The following UST variants were observed in gnomAD, a reference collection of about 807,000 sequenced individuals.
UST encodes the protein uronyl 2-sulfotransferase.
In UST, 21 loss-of-function variants were observed where a neutral mutation model predicts 45.6. That is an observed-to-expected ratio of 0.46 (90% CI 0.33 to 0.66). The LOEUF is 0.66. UST is among the 30% of genes least tolerant of loss of function. The pLI, the probability that UST is intolerant of heterozygous loss-of-function variation, is 0.02. For synonymous variants in UST, 215 were observed against 200.6 expected (o/e 1.07, Z -0.61); for missense variants, 463 against 512.4 (o/e 0.90, Z 0.93).
At chr6:148,895,213 T>G (rs1380130290) in intron 2 of UST, among the ~76,000 whole-genome samples, 1 of 152,222 alleles carries the variant, frequency 6.6e-6, no homozygotes, top group Non-Finnish European at 1.5e-5. Context: ...TCTCATGTTT[T>G]TAGCTGTGTT....
chr6:149,055,250 G>C (rs1315086610), intron 7 of UST, among the ~76,000 whole-genome samples: 8 of 152,176 alleles, frequency 5.3e-5, no homozygotes, highest in Non-Finnish European at 1.0e-4. Context: ...ACTTGAGGAA[G>C]AGGACTATGA....
At chr6:149,001,003 T>C (rs1056373686) in intron 5 of UST, among the ~76,000 whole-genome samples, 3 of 150,492 alleles carry the variant, frequency 2.0e-5, no homozygotes, top group African/African-American at 7.3e-5. Context: ...AAAAAGAGAA[T>C]AGAAAAATGT....
At chr6:148,801,497 CT>C (rs796597980) in intron 1 of UST, among the ~76,000 whole-genome samples, 13 of 152,080 alleles carry the variant, frequency 8.5e-5, no homozygotes, top group African/African-American at 3.1e-4. Context: ...TTTTTTCTTT[CT>C]TTCTTTTTCT....
At chr6:149,061,365 AT>A (rs760272492) in intron 7 of UST, among the ~76,000 whole-genome samples, 6 of 152,240 alleles carry the variant, frequency 3.9e-5, no homozygotes, top group Admixed American at 6.5e-5. Context: ...GTTCAAACAT[AT>A]GTCAATGCAG....
intron 3 of UST, among the ~76,000 whole-genome samples, chr6:148,943,910 C>G (rs1780180731): frequency 1.3e-5 from 2 of 152,144 alleles, no homozygotes; most frequent in African/African-American, 4.8e-5. Flanking sequence ...TAACTATTAC[C>G]TCTCCGCAGC....
intron 5 of UST, among the ~76,000 whole-genome samples, chr6:148,997,623 C>T (rs1370125647): frequency 6.6e-6 from 1 of 152,174 alleles, no homozygotes; most frequent in Non-Finnish European, 1.5e-5. Context: ...TTCATATCCT[C>T]TGAAGATGAG....
At chr6:148,811,299 G>A (rs1295201385) in intron 1 of UST, among the ~76,000 whole-genome samples, 1 of 152,046 alleles carries the variant, frequency 6.6e-6, no homozygotes, top group Non-Finnish European at 1.5e-5. Context: ...GTGATGCCTG[G>A]GTATTATGAG....
intron 5 of UST, chr6:149,005,176 CT>C (rs1781624094): frequency 2.5e-6 from 1 of 397,934 alleles, no homozygotes; most frequent in South Asian, 1.0e-4. Context: ...AAGCAGAGCT[CT>C]TCTGGCTTGG....
chr6:148,941,812 C>T (rs1222902587), intron 3 of UST, among the ~76,000 whole-genome samples: 1 of 152,146 alleles, frequency 6.6e-6, no homozygotes, highest in East Asian at 1.9e-4. Flanking sequence ...TTCATTTTCT[C>T]ACCAATGTCC....
intron 7 of UST, among the ~76,000 whole-genome samples, chr6:149,028,032 C>T (rs750209115): frequency 4.6e-5 from 7 of 151,954 alleles, no homozygotes; most frequent in Non-Finnish European, 8.8e-5. Context: ...TTGGTAGAGA[C>T]GGGATTTCAC....
intron 7 of UST, among the ~76,000 whole-genome samples, chr6:149,043,011 CTTTCTTTCTTT>C (rs1239317424): frequency 9.5e-6 from 1 of 105,662 alleles, no homozygotes; most frequent in African/African-American, 5.0e-5. Context: ...TTCTTTCTTT[CTTTCTTTCTTT>C]TTCTTTCTTT....
chr6:148,821,901 G>A (rs1286053234), intron 1 of UST, among the ~76,000 whole-genome samples: 2 of 152,160 alleles, frequency 1.3e-5, no homozygotes, highest in Admixed American at 1.3e-4. Context: ...TGATGCTCAA[G>A]TTTTCCCAGA....
At chr6:149,041,200 G>A (rs1776308548) in intron 7 of UST, among the ~76,000 whole-genome samples, 1 of 152,174 alleles carries the variant, frequency 6.6e-6, no homozygotes, top group African/African-American at 2.4e-5. Context: ...TAATAGTCCT[G>A]ATCTCTGTGC....
chr6:148,970,080 C>A (rs1007603855), intron 5 of UST, among the ~76,000 whole-genome samples: 4 of 152,164 alleles, frequency 2.6e-5, no homozygotes, highest in Non-Finnish European at 5.9e-5. Context: ...AGATACGCTG[C>A]GAAATACATT....
At chr6:148,928,131 T>G (rs1442015649) in intron 2 of UST, among the ~76,000 whole-genome samples, 1 of 152,210 alleles carries the variant, frequency 6.6e-6, no homozygotes, top group Non-Finnish European at 1.5e-5. Context: ...CTAAGATTTT[T>G]TTTTTTTTTC....
chr6:148,904,548 C>CAG lies in UST; in HGVS notation c.291+17520_291+17521dup, dbSNP rs201590470. Among the ~76,000 whole-genome samples the CAG allele has an allele frequency of 5.9e-3, 898 of 151,964 alleles. 9 individuals are homozygous for CAG. Among genetic ancestry groups the CAG allele is most frequent in the African/African-American group, 0.02 (841 of 41,470 alleles). ...TTAGTAATGCTTTTCTTTTTTGAGA[C>CAG]AGTCTCACTCTGTCACCCAGGCTGG... On this transcript the variant is annotated intron_variant, in intron 2 of 7. Coordinates refer to ENST00000367463, the MANE Select transcript of UST (RefSeq NM_005715.3).
chr6:148,780,274 T>C (rs1440733624), intron 1 of UST, among the ~76,000 whole-genome samples: 1 of 152,162 alleles, frequency 6.6e-6, no homozygotes, highest in African/African-American at 2.4e-5. Context: ...CCACTTCTCA[T>C]TTTTCTTTTT....
chr6:148,935,164 G>A (rs755644723), intron 2 of UST, among the ~76,000 whole-genome samples: 5 of 152,108 alleles, frequency 3.3e-5, no homozygotes, highest in Non-Finnish European at 7.4e-5. Context: ...TGTTTATCTG[G>A]CACGCTCCAC....
At chr6:148,893,347 T>C (rs909405259) in intron 2 of UST, among the ~76,000 whole-genome samples, 1 of 152,222 alleles carries the variant, frequency 6.6e-6, no homozygotes, top group Non-Finnish European at 1.5e-5. Context: ...AGTGAACCAT[T>C]GCTCAATAAA....
Sources: gnomAD v4.1 joint callset for allele counts (sites outside exome capture counted in the v4.1 genomes callset) on GRCh38, gnomAD v4.1.1 for gene constraint, MANE v1.5 for transcripts, NCBI Gene and HGNC (gene_info 2026-07-23, HGNC 2026-07-21) for gene names.